Variants in HYDIN observed in about 807,000 individuals in gnomAD.
HYDIN encodes the protein HYDIN axonemal central pair apparatus protein, also known as axonemal central pair apparatus protein HYDIN.
A neutral mutation model predicts 403.9 loss-of-function variants in HYDIN; 132 were observed. The ratio of observed to expected loss-of-function variants is 0.33; its 90% CI spans 0.28 to 0.38. The LOEUF is 0.38. Ranked by LOEUF, HYDIN falls within the 10% of genes least tolerant of loss-of-function variation. HYDIN has a pLI of 1.00. For missense variants in HYDIN, 2,827 were observed against 5,009.5 expected (o/e 0.56, Z 13.15); for synonymous variants, 1,202 against 1,891.7 (o/e 0.64, Z 9.46).
At chr16:71,224,044 A>C (rs117603215) in intron 1 of HYDIN, among the ~76,000 whole-genome samples, 84 of 152,356 alleles carry the variant, frequency 5.5e-4, no homozygotes, top group Admixed American at 1.1e-3. Context: ...GAACCAACCT[A>C]AGTGCCCATT....
intron 5 of HYDIN, among the ~76,000 whole-genome samples, chr16:71,163,310 G>C (rs910288694): frequency 2.0e-5 from 3 of 151,886 alleles, no homozygotes; most frequent in Non-Finnish European, 4.4e-5. Context: ...TTTTAGTAGA[G>C]ACGGGGTTTC....
At chr16:70,865,963 C>T (rs2039723592) in intron 67 of HYDIN, among the ~76,000 whole-genome samples, 1 of 152,158 alleles carries the variant, frequency 6.6e-6, no homozygotes, top group African/African-American at 2.4e-5. Flanking sequence ...CATTTCCTGG[C>T]CTATATCTTG....
chr16:71,014,548 CT>C (rs1285277152), intron 23 of HYDIN, among the ~76,000 whole-genome samples: 1 of 151,698 alleles, frequency 6.6e-6, no homozygotes, highest in Non-Finnish European at 1.5e-5. Context: ...CTGACAGTGA[CT>C]GATGAGGAGT....
In HYDIN at chr16:71,020,255, C is replaced by T; in HGVS notation, c.3249G>A (p.Leu1083=). 6.2e-7 allele frequency: 1 copy of T among 1,613,950 alleles called. No homozygotes were observed. Among genetic ancestry groups the T allele is most frequent in the Middle Eastern group, 1.7e-4 (1 of 6,060 alleles). Residue 1083 remains leucine (L), a synonymous_variant, in exon 22 of 86, where the codon CTG becomes CTA. Transcript: ENST00000393567. ...QPLAIKNIST[L]PVNLLLSTSG... is the part of the protein sequence containing the mutation. ...ATGTTGACAGCAACAAGTTCACGGG[C>T]AGGGTGGAAATGTTCTTTATGGCCA... is the stretch of plus-strand genomic sequence containing the variant.
At chr16:71,107,268 T>C (rs1261635456) in intron 10 of HYDIN, among the ~76,000 whole-genome samples, 1 of 150,508 alleles carries the variant, frequency 6.6e-6, no homozygotes, top group South Asian at 2.1e-4. Context: ...CTGCACGTTG[T>C]GCACATGTAC....
At chr16:70,944,594 A>C (rs1399625440) in intron 41 of HYDIN, among the ~76,000 whole-genome samples, 2 of 152,112 alleles carry the variant, frequency 1.3e-5, no homozygotes, top group African/African-American at 2.4e-5. Context: ...CTGAGTGAGC[A>C]ATGGGGAAGA....
rs377172044 is a variant in HYDIN at position 70,866,124 on chromosome 16, G to T, written c.11471+45C>A. On this transcript the variant is annotated intron_variant, in intron 67 of 85. Transcript: ENST00000393567. ...TGAGTGAGTGAGTGAATGATGGAAT[G>T]AAAGAGCTTTTCCATCTAGTATCAC... 1.8e-4 allele frequency: 278 copies of T among 1,534,390 alleles called. 1 individual carries two copies. Among genetic ancestry groups the T allele is most frequent in the Non-Finnish European group, 2.5e-4 (274 of 1,115,368 alleles).
At chr16:70,820,861 C>A (rs535073773) in intron 83 of HYDIN, among the ~76,000 whole-genome samples, 2 of 152,172 alleles carry the variant, frequency 1.3e-5, no homozygotes, top group African/African-American at 4.8e-5. Flanking sequence ...GTTGGCCAGG[C>A]GGGTCTTGAA....
chr16:71,157,399 T>G (rs964304551), intron 6 of HYDIN, among the ~76,000 whole-genome samples: 1 of 152,206 alleles, frequency 6.6e-6, no homozygotes, highest in Admixed American at 6.5e-5. Flanking sequence ...ACCATGTCTA[T>G]TAACAACCAT....
rs771514812 is a variant in HYDIN at position 70,981,360 on chromosome 16, A to G, written c.4510+31T>C. 4 of 1,582,738 alleles carry G rather than the reference A, an allele frequency of 2.5e-6. No individual in the cohort carries two copies. The African/African-American group carries it at 4.1e-5, about 16-fold the overall frequency. The stretch of plus-strand genomic sequence containing the variant: ...AAGCTAAAATGCTTGTTTTGTCCCC[A>G]GTGGGGAACTACTCCAGTGTGAAGT... On this transcript the variant is annotated intron_variant, in intron 29 of 85. Coordinates refer to ENST00000393567, the MANE Select transcript of HYDIN (RefSeq NM_001270974.2).
chr16:70,947,754 G>C (rs1385025193), intron 41 of HYDIN, among the ~76,000 whole-genome samples: 1 of 152,156 alleles, frequency 6.6e-6, no homozygotes, highest in Non-Finnish European at 1.5e-5. Context: ...TACAAGGGAC[G>C]TGAAGGACCT....
chr16:70,864,823 C>G (rs1036346893), intron 67 of HYDIN, among the ~76,000 whole-genome samples: 3 of 152,150 alleles, frequency 2.0e-5, no homozygotes, highest in Admixed American at 1.3e-4. Flanking sequence ...GTGTCCCATA[C>G]GGTCTCTGCA....
At chr16:70,891,611 G>A (rs1313816588) in intron 57 of HYDIN, 35 bp downstream of exon 57, 2 of 322,550 alleles carry the variant, frequency 6.2e-6, no homozygotes, top group African/African-American at 2.2e-5. Context: ...AAATTAAAGA[G>A]GGAATGGAAT....
At chr16:71,190,972 G>C (rs1214194926) in intron 1 of HYDIN, among the ~76,000 whole-genome samples, 1 of 152,166 alleles carries the variant, frequency 6.6e-6, no homozygotes, top group Admixed American at 6.5e-5. Context: ...ATGAAAGAGA[G>C]AGGAGCAGGA....
intron 53 of HYDIN, among the ~76,000 whole-genome samples, chr16:70,897,889 C>T (rs2076250540): frequency 6.6e-6 from 1 of 151,740 alleles, no homozygotes; most frequent in African/African-American, 2.4e-5. Flanking sequence ...AAAAATGTGG[C>T]CGGTTGCAGT....
intron 23 of HYDIN, among the ~76,000 whole-genome samples, chr16:71,010,614 C>G (rs1253993020): frequency 2.6e-5 from 4 of 151,948 alleles, no homozygotes; most frequent in Non-Finnish European, 5.9e-5. Context: ...AGAGCCGAGG[C>G]TCAGGGAGGC....
chr16:71,227,604 C>A (rs371329094), intron 1 of HYDIN, among the ~76,000 whole-genome samples: 6 of 152,274 alleles, frequency 3.9e-5, no homozygotes, highest in African/African-American at 1.2e-4. Flanking sequence ...ATCCACCTTA[C>A]AAGGGATGTG....
chr16:71,020,884 C>A (rs2080462737), intron 21 of HYDIN, among the ~76,000 whole-genome samples: 1 of 149,168 alleles, frequency 6.7e-6, no homozygotes, highest in South Asian at 2.1e-4. Context: ...CCAGACAACA[C>A]AGATTAGATT....
chr16:71,212,367 C>T (rs1015913082), intron 1 of HYDIN, among the ~76,000 whole-genome samples: 3 of 152,034 alleles, frequency 2.0e-5, no homozygotes, highest in African/African-American at 7.2e-5. Flanking sequence ...AAGAGAACCA[C>T]GAGCAAATGT....
Sources: gnomAD v4.1 joint callset for allele counts (sites outside exome capture counted in the v4.1 genomes callset) on GRCh38, gnomAD v4.1.1 for gene constraint, MANE v1.5 for transcripts, NCBI Gene and HGNC (gene_info 2026-07-23, HGNC 2026-07-21) for gene names.